PRKD1: variants seen among roughly 807,000 people sequenced by gnomAD.
PRKD1 encodes protein kinase D1.
PRKD1 carries 63 observed loss-of-function variants against 95.9 expected under a neutral mutation model. The observed-to-expected ratio is 0.66, with a 90% CI of 0.54 to 0.81. The LOEUF (loss-of-function observed/expected upper bound fraction) is 0.81, where lower values mean the gene tolerates loss of function less well. Ranked by LOEUF, PRKD1 falls within the 30% of genes least tolerant of loss-of-function variation. The pLI, the probability that PRKD1 is intolerant of heterozygous loss-of-function variation, is 0.00. For synonymous variants in PRKD1, 425 were observed against 423.1 expected (o/e 1.00, Z -0.05); for missense variants, 1,048 against 1,165.3 (o/e 0.90, Z 1.47).
intron 13 of PRKD1, among the ~76,000 whole-genome samples, chr14:29,603,155 G>A (rs1161261861): frequency 1.3e-5 from 2 of 152,174 alleles, no homozygotes; most frequent in African/African-American, 4.8e-5. Flanking sequence ...CTTGGCCCTT[G>A]CTCTTTTATG....
chr14:29,818,664 TG>T (rs1395161764), intron 1 of PRKD1, among the ~76,000 whole-genome samples: 1 of 151,598 alleles, frequency 6.6e-6, no homozygotes, highest in Non-Finnish European at 1.5e-5. Flanking sequence ...ACAACTATTT[TG>T]TTTGGTTTCA....
intron 1 of PRKD1, among the ~76,000 whole-genome samples, chr14:29,818,374 CA>C (rs1890775002): frequency 6.6e-6 from 1 of 152,080 alleles, no homozygotes; most frequent in Non-Finnish European, 1.5e-5. Flanking sequence ...CTTGTTTAAC[CA>C]GTCTAAATAT....
intron 1 of PRKD1, among the ~76,000 whole-genome samples, chr14:29,763,801 C>G (rs1888135564): frequency 6.6e-6 from 1 of 152,082 alleles, no homozygotes; most frequent in Non-Finnish European, 1.5e-5. Flanking sequence ...CTCCCTCTTT[C>G]CTGTGGTCTG....
At chr14:29,874,560 C>T (rs1351863987) in intron 1 of PRKD1, among the ~76,000 whole-genome samples, 1 of 152,144 alleles carries the variant, frequency 6.6e-6, no homozygotes, top group Non-Finnish European at 1.5e-5. Flanking sequence ...GCACTATTCA[C>T]AACAGCAAAG....
chr14:29,640,484 C>A (rs1880686576), intron 4 of PRKD1, among the ~76,000 whole-genome samples: 1 of 152,170 alleles, frequency 6.6e-6, no homozygotes, highest in Non-Finnish European at 1.5e-5. Flanking sequence ...TTCACAATTA[C>A]AATTCCATAA....
intron 13 of PRKD1, 67 bp from the exon 14 acceptor site, chr14:29,599,884 T>C: frequency 6.9e-7 from 1 of 1,453,690 alleles, no homozygotes; most frequent in African/African-American, 1.4e-5. Flanking sequence ...AGCTCGCTGA[T>C]TATACAAAAC....
intron 1 of PRKD1, among the ~76,000 whole-genome samples, chr14:29,854,241 G>A (rs1268709547): frequency 2.0e-5 from 3 of 152,182 alleles, no homozygotes; most frequent in Non-Finnish European, 4.4e-5. Context: ...ATGTGGGAAA[G>A]TTTGGAACTT....
At chr14:29,789,742 T>C (rs1049236524) in intron 1 of PRKD1, among the ~76,000 whole-genome samples, 1 of 151,772 alleles carries the variant, frequency 6.6e-6, no homozygotes, top group African/African-American at 2.4e-5. Flanking sequence ...GCAAGAAGGG[T>C]GGGTATATTG....
At chr14:29,632,829 A>G (rs534872917) in intron 9 of PRKD1, 40 bp downstream of exon 9, 49 of 1,527,254 alleles carry the variant, frequency 3.2e-5, no homozygotes, top group Admixed American at 8.4e-5. Context: ...TGAAAAAGCA[A>G]TAAGAGGTAT....
At chr14:29,915,050 AGTT>A (rs941568357) in intron 1 of PRKD1, among the ~76,000 whole-genome samples, 1 of 152,130 alleles carries the variant, frequency 6.6e-6, no homozygotes, top group Non-Finnish European at 1.5e-5. Context: ...AAGGACCCTT[AGTT>A]GTTTTCTCAG....
At chr14:29,777,879 A>T (rs1888845658) in intron 1 of PRKD1, among the ~76,000 whole-genome samples, 1 of 152,174 alleles carries the variant, frequency 6.6e-6, no homozygotes, top group Non-Finnish European at 1.5e-5. Context: ...TCCAAAATTG[A>T]CCACAAAGTT....
chr14:29,753,499 A>G (rs1887568657), intron 1 of PRKD1, among the ~76,000 whole-genome samples: 2 of 152,018 alleles, frequency 1.3e-5, no homozygotes, highest in African/African-American at 4.8e-5. Flanking sequence ...TATAATTGAA[A>G]CAACACGTTT....
At chr14:29,632,166 G>T (rs752387291) in intron 9 of PRKD1, among the ~76,000 whole-genome samples, 3 of 152,168 alleles carry the variant, frequency 2.0e-5, no homozygotes, top group African/African-American at 7.2e-5. Flanking sequence ...CTTCCAGGAA[G>T]TATGCAGGGG....
At chr14:29,763,593 A>T (rs1441354866) in intron 1 of PRKD1, among the ~76,000 whole-genome samples, 1 of 152,130 alleles carries the variant, frequency 6.6e-6, no homozygotes, top group Non-Finnish European at 1.5e-5. Flanking sequence ...TGAAGGACAG[A>T]GAAAGAAAGG....
At chr14:29,821,781 G>T (rs1301015819) in intron 1 of PRKD1, among the ~76,000 whole-genome samples, 1 of 152,008 alleles carries the variant, frequency 6.6e-6, no homozygotes, top group African/African-American at 2.4e-5. Flanking sequence ...ATTGCAACAT[G>T]GCAATTCTAG....
chr14:29,643,282 T>G (rs1880919675), intron 4 of PRKD1, among the ~76,000 whole-genome samples: 1 of 152,176 alleles, frequency 6.6e-6, no homozygotes, highest in African/African-American at 2.4e-5. Context: ...GTGTAAGAGT[T>G]AACACATCAT....
chr14:29,778,676 C>T (rs1260757748), intron 1 of PRKD1, among the ~76,000 whole-genome samples: 1 of 152,110 alleles, frequency 6.6e-6, no homozygotes, highest in Admixed American at 6.5e-5. Flanking sequence ...CGTCCAGGAC[C>T]AGATGGATTC....
intron 1 of PRKD1, among the ~76,000 whole-genome samples, chr14:29,790,759 A>C (rs1243569199): frequency 1.3e-5 from 2 of 152,242 alleles, no homozygotes; most frequent in Non-Finnish European, 2.9e-5. Flanking sequence ...CTCACAGAAC[A>C]AACAGTAGTA....
chr14:29,663,148 C>CATATATATATATATATATATAT (rs61506580), intron 4 of PRKD1, among the ~76,000 whole-genome samples: 46 of 131,622 alleles, frequency 3.5e-4, no homozygotes, highest in South Asian at 1.5e-3. Flanking sequence ...AATATTCTTC[C>CATATATATATATATATATATAT]ATATATATAT....
Sources: gnomAD v4.1 joint callset for allele counts (sites outside exome capture counted in the v4.1 genomes callset) on GRCh38, gnomAD v4.1.1 for gene constraint, MANE v1.5 for transcripts, NCBI Gene and HGNC (gene_info 2026-07-23, HGNC 2026-07-21) for gene names.